Variants in JPH2 observed in about 807,000 individuals in gnomAD.
JPH2 encodes junctophilin 2, also known as junctophilin-2.
In JPH2, 38 loss-of-function variants were observed where a neutral mutation model predicts 55.9. The observed-to-expected ratio is 0.68, with a 90% CI of 0.52 to 0.89. The LOEUF (loss-of-function observed/expected upper bound fraction) is 0.89, where lower values mean the gene tolerates loss of function less well. Ranked by LOEUF, JPH2 falls within the 40% of genes least tolerant of loss-of-function variation. JPH2 has a pLI of 0.00. For synonymous variants in JPH2, 480 were observed against 472.4 expected, an observed-to-expected ratio of 1.02 and a Z score of -0.21; for missense variants, 964 against 1,037.6, an observed-to-expected ratio of 0.93 and a Z score of 0.97.
intron 2 of JPH2, among the ~76,000 whole-genome samples, chr20:44,120,842 G>A (rs1205061958): frequency 1.3e-5 from 2 of 152,226 alleles, no homozygotes; most frequent in African/African-American, 4.8e-5. Flanking sequence ...GGGCCCATGG[G>A]CAAGGGTTAG....
In JPH2 at chr20:44,110,427, TG is replaced by T. The variant is rs2072133881; in HGVS notation, c.*3090del. 9.5e-6 allele frequency among the ~76,000 whole-genome samples: 1 copy of T among 105,294 alleles called. No individual in the cohort carries two copies. 69.1% of individuals were successfully genotyped at this position (105,294 alleles called of 152,430 possible). ...CATTCCAGAGTTTTGAAAACTTTTG[TG>T]TTTTTTTTTTTTTCCAGATGGAGTC... On this transcript the variant is annotated 3_prime_UTR_variant, in exon 6 of 6. Coordinates refer to ENST00000372980, the MANE Select transcript of JPH2 (RefSeq NM_020433.5).
At chr20:44,132,437 C>T (rs2072328406) in intron 2 of JPH2, among the ~76,000 whole-genome samples, 1 of 150,874 alleles carries the variant, frequency 6.6e-6, no homozygotes, top group Non-Finnish European at 1.5e-5. Flanking sequence ...CCCCATCTCC[C>T]CCCCTTGCCC....
intron 2 of JPH2, among the ~76,000 whole-genome samples, chr20:44,155,563 A>C (rs1296308873): frequency 2.6e-5 from 4 of 152,198 alleles, no homozygotes; most frequent in Non-Finnish European, 2.9e-5. Flanking sequence ...TGTGGGCTGC[A>C]CTGAGTGTCT....
At chr20:44,120,461 G>A (rs2072227437) in intron 2 of JPH2, among the ~76,000 whole-genome samples, 1 of 152,208 alleles carries the variant, frequency 6.6e-6, no homozygotes, top group Non-Finnish European at 1.5e-5. Context: ...TTCTAAAGGA[G>A]TTATGAAGAT....
Position 44,161,059 on chromosome 20 carries a change from G to C in JPH2, c.380-652C>G, listed in dbSNP as rs557259038. 2.0e-5 allele frequency among the ~76,000 whole-genome samples: 3 copies of C among 152,276 alleles called. No homozygotes were observed. The East Asian group carries it at 5.8e-4, about 29-fold the overall frequency. ...CCACTGCACTCCAGCCTGGGCTACA[G>C]ACTGAGACCCTGTCACACATACACA... On this transcript the variant is annotated intron_variant, in intron 1 of 5. Transcript: ENST00000372980.
chr20:44,121,701 A>T (rs2072237958), intron 2 of JPH2, among the ~76,000 whole-genome samples: 1 of 152,018 alleles, frequency 6.6e-6, no homozygotes. Context: ...ATTCTAAAGA[A>T]CCCAAGCCAG....
chr20:44,148,208 T>C (rs1163359576), intron 2 of JPH2, among the ~76,000 whole-genome samples: 1 of 152,156 alleles, frequency 6.6e-6, no homozygotes, highest in African/African-American at 2.4e-5. Context: ...AAAACCTCTC[T>C]ATATGCCTAA....
intron 2 of JPH2, among the ~76,000 whole-genome samples, chr20:44,147,357 C>T (rs1007299116): frequency 5.4e-4 from 82 of 152,326 alleles, no homozygotes; most frequent in African/African-American, 1.9e-3. Context: ...CAGTCTCCAT[C>T]AAAAGAGATC....
At chr20:44,137,095 C>G (rs1259507639) in intron 2 of JPH2, among the ~76,000 whole-genome samples, 1 of 152,216 alleles carries the variant, frequency 6.6e-6, no homozygotes, top group East Asian at 1.9e-4. Context: ...GCATTGTGCC[C>G]AGCACATAGT....
At chr20:44,174,456 T>C (rs1213062111) in intron 1 of JPH2, among the ~76,000 whole-genome samples, 1 of 152,106 alleles carries the variant, frequency 6.6e-6, no homozygotes, top group Non-Finnish European at 1.5e-5. Context: ...ATACTGTTTG[T>C]ATGGAGGAAG....
intron 1 of JPH2, among the ~76,000 whole-genome samples, chr20:44,162,242 T>A (rs6073352): frequency 0.26 from 39,931 of 152,074 alleles, 5,415 homozygotes; most frequent in Admixed American, 0.35. Flanking sequence ...CAACCAAGGA[T>A]GGGACTCCTA....
At chr20:44,120,800 G>A (rs995935495) in intron 2 of JPH2, among the ~76,000 whole-genome samples, 5 of 152,166 alleles carry the variant, frequency 3.3e-5, no homozygotes, top group South Asian at 4.1e-4. Context: ...AATTCGTGTT[G>A]GGCCACATTC....
intron 2 of JPH2, among the ~76,000 whole-genome samples, chr20:44,122,739 G>A (rs1378416616): frequency 6.6e-6 from 1 of 152,168 alleles, no homozygotes; most frequent in Non-Finnish European, 1.5e-5. Context: ...ATGGGGTGTT[G>A]GTGGCGGTGG....
rs2145833259 is a variant in JPH2, at chr20:44,109,599, C to A, written c.*3919G>T. On this transcript the variant is annotated 3_prime_UTR_variant, in exon 6 of 6. Transcript: ENST00000372980. ...GAGAGAGTGAGGGAGTGGGAACTGGCCTCCATAGGCATAGTCAGAGTTTTG... is the reference window on the plus strand; with the variant it reads ...GAGAGAGTGAGGGAGTGGGAACTGGACTCCATAGGCATAGTCAGAGTTTTG... Among the ~76,000 whole-genome samples, 1 of 152,296 alleles carries A rather than the reference C, an allele frequency of 6.6e-6. No homozygotes were observed.
chr20:44,151,194 C>G (rs183011943), intron 2 of JPH2, among the ~76,000 whole-genome samples: 4 of 152,182 alleles, frequency 2.6e-5, no homozygotes, highest in Admixed American at 2.0e-4. Flanking sequence ...ATTTTTATAA[C>G]AAAATGCAAA....
intron 1 of JPH2, among the ~76,000 whole-genome samples, chr20:44,165,811 T>G (rs2072652240): frequency 6.6e-6 from 1 of 152,174 alleles, no homozygotes. Flanking sequence ...GCTCACCCTC[T>G]TGCCGTCTTC....
chr20:44,121,459 C>CA (rs1176372008), intron 2 of JPH2, among the ~76,000 whole-genome samples: 2 of 152,106 alleles, frequency 1.3e-5, no homozygotes, highest in African/African-American at 4.8e-5. Context: ...TTACAAACCT[C>CA]AAAACTGTGA....
rs1357734694 is a variant in JPH2, at chr20:44,107,583, A to G, written c.*5935T>C. Reference sequence around the variant, plus strand: ...AAAGCCCTAGGATATGTAGAACCACAGATGGAAAAAACCTGGGTCCCTGAA... The same window carrying G: ...AAAGCCCTAGGATATGTAGAACCACGGATGGAAAAAACCTGGGTCCCTGAA... On this transcript the variant is annotated 3_prime_UTR_variant, in exon 6 of 6. Transcript: ENST00000372980. Among the ~76,000 whole-genome samples the G allele has an allele frequency of 6.6e-6, 1 of 152,210 alleles. No homozygotes were observed. The highest frequency in any genetic ancestry group is 1.5e-5 in the Non-Finnish European group (1 of 68,032).
At chr20:44,185,811 G>T (rs1016384786) in intron 1 of JPH2, among the ~76,000 whole-genome samples, 2 of 151,576 alleles carry the variant, frequency 1.3e-5, no homozygotes, top group African/African-American at 4.9e-5. Context: ...GGATGGATGG[G>T]CAGGCAGGTG....
Sources: allele counts gnomAD v4.1 joint callset (sites outside exome capture counted in the v4.1 genomes callset), GRCh38; gene constraint gnomAD v4.1.1; transcripts MANE v1.5; gene names NCBI Gene and HGNC (gene_info 2026-07-23, HGNC 2026-07-21).